Variants in COL14A1 observed in about 807,000 individuals in gnomAD.
The protein encoded by COL14A1 is collagen alpha-1(XIV) chain.
In COL14A1, 136 loss-of-function variants were observed where a neutral mutation model predicts 230.3. The observed-to-expected ratio is 0.59, with a 90% CI of 0.51 to 0.68. COL14A1 has a LOEUF of 0.68. Ranked by LOEUF, COL14A1 falls within the 30% of genes least tolerant of loss-of-function variation. COL14A1 has a pLI of 0.00. For synonymous variants in COL14A1, 792 were observed against 784.1 expected, an observed-to-expected ratio of 1.01 and a Z score of -0.17; for missense variants, 1,976 against 2,215.8, an observed-to-expected ratio of 0.89 and a Z score of 2.17.
chr8:120,168,218 G>T lies in COL14A1; in HGVS notation c.407G>T (p.Gly136Val). The change falls in exon 5 of 48, where the codon GGA (glycine) becomes GTA (valine). Residue 136 changes from glycine (G) to valine (V), a missense_variant. Coordinates refer to ENST00000297848, the MANE Select transcript of COL14A1 (RefSeq NM_021110.4). ...PKPRVKVVDR[G>V]NGSRPSSPEE... The stretch of plus-strand genomic sequence containing the variant: ...CCCAGAGTCAAAGTTGTGGACAGAG[G>T]AAATGGGAGTAGACCATCTTCACCA... 6.2e-7 allele frequency: 1 copy of T among 1,612,468 alleles called. No individual in the cohort carries two copies. Among genetic ancestry groups the T allele is most frequent in the Non-Finnish European group, 8.5e-7 (1 of 1,179,112 alleles).
chr8:120,297,878 CT>C, intron 35 of COL14A1, among the ~76,000 whole-genome samples: 1 of 152,084 alleles, frequency 6.6e-6, no homozygotes, highest in Middle Eastern at 3.4e-3. Flanking sequence ...TCTTGCACCC[CT>C]AAGCCAAAAG....
At chr8:120,146,796 T>C (rs1354883129) in intron 1 of COL14A1, among the ~76,000 whole-genome samples, 1 of 152,064 alleles carries the variant, frequency 6.6e-6, no homozygotes, top group Non-Finnish European at 1.5e-5. Context: ...TGTGGGATAA[T>C]ACTGGGAAAT....
At chr8:120,242,613 G>C (rs544669425) in intron 19 of COL14A1, among the ~76,000 whole-genome samples, 129 of 152,138 alleles carry the variant, frequency 8.5e-4, no homozygotes, top group Non-Finnish European at 1.5e-3. Context: ...TTAGTGCTAG[G>C]GCCGTCTAAC....
In COL14A1 at chr8:120,203,839, T is replaced by C. The variant is rs371461566; in HGVS notation, c.1008T>C (p.Ser336=). ...AGAGTCTGACCAGGACTCTCTGCTC[T>C]AGAGTGGAAGAACAGGACAGAGAAA... The part of the protein sequence containing the change: ...VVESLTRTLC[S]RVEEQDREIK... The change falls in exon 9 of 48, where the codon TCT becomes TCC. Residue 336 remains serine, a synonymous_variant. Coordinates refer to ENST00000297848, the MANE Select transcript of COL14A1 (RefSeq NM_021110.4). 6.2e-7 allele frequency: 1 copy of C among 1,613,812 alleles called. No homozygotes were observed. Among genetic ancestry groups the C allele is most frequent in the African/African-American group, 1.3e-5 (1 of 74,906 alleles).
chr8:120,218,546 G>T (rs529420216), intron 14 of COL14A1, among the ~76,000 whole-genome samples: 1 of 152,122 alleles, frequency 6.6e-6, no homozygotes, highest in East Asian at 1.9e-4. Context: ...CTGACCTCAG[G>T]CAATCCGCCC....
Position 120,300,704 on chromosome 8 carries a change from T to C in COL14A1, c.4315-28T>C, listed in dbSNP as rs149465730. On this transcript the variant is annotated intron_variant, in intron 35 of 47. Coordinates refer to ENST00000297848, the MANE Select transcript of COL14A1 (RefSeq NM_021110.4). ...CCATTTGTATAAACTGGCATGCTAA[T>C]GGTTGTGCTTTTTTTGTTTCTTTTC... 5.9e-5 allele frequency: 93 copies of C among 1,565,060 alleles called. 1 individual carries two copies. In the African/African-American group the frequency reaches 1.2e-3, roughly 21 times the overall value.
At chr8:120,242,750 A>G (rs1478766935) in intron 19 of COL14A1, among the ~76,000 whole-genome samples, 1 of 152,230 alleles carries the variant, frequency 6.6e-6, no homozygotes, top group Non-Finnish European at 1.5e-5. Flanking sequence ...TATTAATCTC[A>G]TATAAAAATC....
At chr8:120,167,788 T>G (rs1438523252) in intron 4 of COL14A1, among the ~76,000 whole-genome samples, 1 of 152,228 alleles carries the variant, frequency 6.6e-6, no homozygotes, top group African/African-American at 2.4e-5. Context: ...AAGATCTGGC[T>G]TTAACCCCAT....
intron 40 of COL14A1, among the ~76,000 whole-genome samples, chr8:120,325,676 A>G (rs1246593943): frequency 1.3e-5 from 2 of 152,086 alleles, no homozygotes; most frequent in African/African-American, 4.8e-5. Flanking sequence ...TATTTTTAGT[A>G]GAGATGGGGT....
chr8:120,359,285 T>C (rs1823105893), intron 45 of COL14A1, among the ~76,000 whole-genome samples: 1 of 151,992 alleles, frequency 6.6e-6, no homozygotes, highest in Non-Finnish European at 1.5e-5. Flanking sequence ...TTCCATGTGT[T>C]CTCATTATTC....
intron 20 of COL14A1, 139 bp from the exon 21 acceptor site, chr8:120,247,474 A>G: frequency 1.3e-6 from 1 of 752,752 alleles, no homozygotes; most frequent in Non-Finnish European, 2.0e-6. Flanking sequence ...AAGGCTTCTC[A>G]TTGTGTGTTT....
intron 37 of COL14A1, among the ~76,000 whole-genome samples, chr8:120,313,007 CTACAGAAATAAGGGT>C (rs1475368149): frequency 2.6e-5 from 4 of 152,132 alleles, no homozygotes; most frequent in Non-Finnish European, 5.9e-5. Context: ...AAGATCCAAG[CTACAGAAATAAGGGT>C]TACAGAAATA....
intron 40 of COL14A1, 89 bp downstream of exon 40, chr8:120,316,086 G>A (rs1387348862): frequency 1.5e-5 from 20 of 1,345,856 alleles, no homozygotes; most frequent in Middle Eastern, 1.8e-4. Flanking sequence ...ATGTAAGGGA[G>A]TCAAGCCAGT....
chr8:120,265,684 C>CA (rs1819483538), intron 24 of COL14A1, among the ~76,000 whole-genome samples: 1 of 151,704 alleles, frequency 6.6e-6, no homozygotes, highest in African/African-American at 2.4e-5. Context: ...TTATTTTTCA[C>CA]AAATGAGATT....
intron 2 of COL14A1, among the ~76,000 whole-genome samples, chr8:120,155,948 C>G (rs1815462969): frequency 6.6e-6 from 1 of 152,086 alleles, no homozygotes; most frequent in Non-Finnish European, 1.5e-5. Context: ...AATGTAAACT[C>G]TTTCTTCCAT....
chr8:120,261,463 A>G (rs1819327049), intron 23 of COL14A1, among the ~76,000 whole-genome samples: 1 of 152,240 alleles, frequency 6.6e-6, no homozygotes, highest in South Asian at 2.1e-4. Context: ...TTAAATAGCA[A>G]GCACAGAACC....
intron 37 of COL14A1, among the ~76,000 whole-genome samples, chr8:120,312,796 A>G (rs903617790): frequency 1.3e-5 from 2 of 152,126 alleles, no homozygotes; most frequent in African/African-American, 4.8e-5. Context: ...TTACCCCACA[A>G]TGCCTTTTTT....
intron 45 of COL14A1, among the ~76,000 whole-genome samples, chr8:120,363,538 T>C (rs1823303043): frequency 6.6e-6 from 1 of 152,214 alleles, no homozygotes; most frequent in Admixed American, 6.5e-5. Flanking sequence ...TTTACCTGTG[T>C]AGCAAACCTG....
chr8:120,219,698 A>C (rs903532417), intron 14 of COL14A1, among the ~76,000 whole-genome samples: 4 of 152,190 alleles, frequency 2.6e-5, no homozygotes, highest in African/African-American at 9.7e-5. Context: ...GACCATAGCA[A>C]CTGCTATAGC....
Sources: gnomAD v4.1 joint callset for allele counts (sites outside exome capture counted in the v4.1 genomes callset) on GRCh38, gnomAD v4.1.1 for gene constraint, MANE v1.5 for transcripts, NCBI Gene and HGNC (gene_info 2026-07-23, HGNC 2026-07-21) for gene names.